GALNTL6: variants seen among roughly 807,000 people sequenced by gnomAD.
GALNTL6 encodes the protein polypeptide N-acetylgalactosaminyltransferase-like 6.
Under a neutral mutation model 73.7 loss-of-function variants are expected in GALNTL6, and 46 were observed. The observed-to-expected ratio is 0.62, with a 90% confidence interval of 0.49 to 0.80. GALNTL6 has a LOEUF of 0.80. GALNTL6 is among the 30% of genes least tolerant of loss of function. The probability of loss-of-function intolerance (pLI) is 0.00; values close to 1 mark genes in which losing one functional copy is unlikely to be tolerated. For missense variants in GALNTL6, 604 were observed against 755.0 expected (o/e 0.80, Z 2.34); for synonymous variants, 259 against 263.7 (o/e 0.98, Z 0.17).
intron 5 of GALNTL6, among the ~76,000 whole-genome samples, chr4:172,774,512 G>T (rs1461643705): frequency 6.6e-6 from 1 of 152,204 alleles, no homozygotes; most frequent in Non-Finnish European, 1.5e-5. Flanking sequence ...TATCTCTTAT[G>T]AAGGGAGCAC....
intron 5 of GALNTL6, among the ~76,000 whole-genome samples, chr4:172,546,880 C>A (rs921955134): frequency 8.8e-6 from 1 of 114,194 alleles, no homozygotes; most frequent in African/African-American, 3.3e-5. Context: ...AATTTTTAAG[C>A]GTACAGTTCA....
chr4:172,050,527 C>T (rs1225108763), intron 2 of GALNTL6, among the ~76,000 whole-genome samples: 3 of 152,092 alleles, frequency 2.0e-5, no homozygotes, highest in African/African-American at 7.2e-5. Flanking sequence ...CCAGGCCCTT[C>T]AGGAAAAAAT....
At chr4:172,041,244 C>A (rs943574503) in intron 2 of GALNTL6, among the ~76,000 whole-genome samples, 1 of 151,932 alleles carries the variant, frequency 6.6e-6, no homozygotes, top group Admixed American at 6.6e-5. Flanking sequence ...CTTAAAATGG[C>A]GTTATTCTTT....
At chr4:171,933,051 C>T (rs1738235897) in intron 2 of GALNTL6, among the ~76,000 whole-genome samples, 1 of 152,070 alleles carries the variant, frequency 6.6e-6, no homozygotes, top group Non-Finnish European at 1.5e-5. Context: ...AGCAAGATTG[C>T]CTGTGTATAT....
chr4:172,192,818 G>T (rs1008894485), intron 2 of GALNTL6, among the ~76,000 whole-genome samples: 9 of 152,132 alleles, frequency 5.9e-5, no homozygotes, highest in Admixed American at 1.3e-4. Flanking sequence ...GGGGGGAAGG[G>T]GTGCCTGCAA....
chr4:172,471,510 T>A (rs753633120), intron 5 of GALNTL6, among the ~76,000 whole-genome samples: 1 of 152,224 alleles, frequency 6.6e-6, no homozygotes, highest in Non-Finnish European at 1.5e-5. Context: ...TCTCTTTCAA[T>A]GCTTTTTTTC....
At chr4:172,110,917 A>G (rs1376207069) in intron 2 of GALNTL6, among the ~76,000 whole-genome samples, 1 of 152,080 alleles carries the variant, frequency 6.6e-6, no homozygotes, top group Non-Finnish European at 1.5e-5. Context: ...TGGAGCTAAC[A>G]GTTCATTTGT....
chr4:171,889,867 T>C (rs1366370687), intron 2 of GALNTL6, among the ~76,000 whole-genome samples: 1 of 152,122 alleles, frequency 6.6e-6, no homozygotes, highest in Non-Finnish European at 1.5e-5. Flanking sequence ...AGTCATTTTC[T>C]AAGACTCACA....
intron 6 of GALNTL6, among the ~76,000 whole-genome samples, 200 bp from the exon 7 acceptor site, chr4:172,813,340 C>G (rs1741417404): frequency 6.6e-6 from 1 of 152,136 alleles, no homozygotes; most frequent in Non-Finnish European, 1.5e-5. Flanking sequence ...GAAAATACAA[C>G]AACTCTAATT....
At chr4:171,869,777 G>A (rs114464624) in intron 2 of GALNTL6, among the ~76,000 whole-genome samples, 2,168 of 152,138 alleles carry the variant, frequency 0.014, 53 homozygotes, top group African/African-American at 0.049. Flanking sequence ...TATTGTTCTC[G>A]TGGTAGTGAA....
chr4:172,856,441 C>CT (rs1744125409), intron 7 of GALNTL6, among the ~76,000 whole-genome samples: 2 of 152,128 alleles, frequency 1.3e-5, no homozygotes, highest in Admixed American at 6.5e-5. Context: ...AGCCTTTTCA[C>CT]TTTTTTTGCC....
At position 172,213,468 on chromosome 4, in the gene GALNTL6, G is replaced by A. The variant is rs115343396; in HGVS notation, c.139-16188G>A. On this transcript the variant is annotated intron_variant, in intron 2 of 12. Transcript: ENST00000506823. The stretch of plus-strand genomic sequence containing the variant: ...AAATTTTAACCATCCTAATAGATGT[G>A]TACTAGTTTTTTATTAAAATTGAAA... Among the ~76,000 whole-genome samples, 655 of 152,182 alleles carry A rather than the reference G, an allele frequency of 4.3e-3. 7 individuals are homozygous for A. Among genetic ancestry groups the A allele is most frequent in the African/African-American group, 0.015 (627 of 41,530 alleles).
chr4:172,709,965 G>A (rs1213071865), intron 5 of GALNTL6, among the ~76,000 whole-genome samples: 1 of 151,858 alleles, frequency 6.6e-6, no homozygotes, highest in African/African-American at 2.4e-5. Context: ...TTTCACATTT[G>A]AGCAAAAAAT....
intron 2 of GALNTL6, among the ~76,000 whole-genome samples, chr4:172,114,454 G>A (rs1461565804): frequency 6.6e-6 from 1 of 151,904 alleles, no homozygotes; most frequent in Non-Finnish European, 1.5e-5. Flanking sequence ...CATGCCAGCA[G>A]GTATATATCT....
At chr4:172,095,007 C>CA (rs70941382) in intron 2 of GALNTL6, among the ~76,000 whole-genome samples, 16,523 of 129,764 alleles carry the variant, frequency 0.13, 1,145 homozygotes, top group African/African-American at 0.21. Flanking sequence ...TTTATGTTTT[C>CA]AAAAAAAAAA....
chr4:172,513,126 T>C (rs1734483447), intron 5 of GALNTL6, among the ~76,000 whole-genome samples: 2 of 152,186 alleles, frequency 1.3e-5, no homozygotes. Context: ...CCCAGCCTTC[T>C]TGGTAGCTTT....
intron 5 of GALNTL6, among the ~76,000 whole-genome samples, chr4:172,616,989 T>C (rs1738763685): frequency 6.6e-6 from 1 of 152,074 alleles, no homozygotes; most frequent in Admixed American, 6.5e-5. Context: ...GTAATCTGGG[T>C]TTCCAGGTCT....
intron 5 of GALNTL6, among the ~76,000 whole-genome samples, chr4:172,527,497 G>A (rs1009628786): frequency 5.3e-5 from 8 of 152,296 alleles, no homozygotes; most frequent in East Asian, 3.9e-4. Flanking sequence ...AGTGAATGGC[G>A]ATATCTTCAT....
chr4:171,937,764 T>A (rs1032650697), intron 2 of GALNTL6, among the ~76,000 whole-genome samples: 2 of 152,156 alleles, frequency 1.3e-5, no homozygotes, highest in Admixed American at 1.3e-4. Context: ...AGTAGCGAAG[T>A]AAATGGAGTT....
Sources: gnomAD v4.1 joint callset for allele counts (sites outside exome capture counted in the v4.1 genomes callset) on GRCh38, gnomAD v4.1.1 for gene constraint, MANE v1.5 for transcripts, NCBI Gene and HGNC (gene_info 2026-07-23, HGNC 2026-07-21) for gene names.